Variants in PTPRG observed in about 807,000 individuals in gnomAD.
The protein encoded by PTPRG is protein tyrosine phosphatase receptor type G, also known as receptor-type tyrosine-protein phosphatase gamma.
In PTPRG, 102 loss-of-function variants were observed where a neutral mutation model predicts 165.3. The ratio of observed to expected loss-of-function variants is 0.62; its 90% CI spans 0.53 to 0.73. The LOEUF (loss-of-function observed/expected upper bound fraction) is 0.73, where lower values mean the gene tolerates loss of function less well. PTPRG is among the 30% of genes least tolerant of loss of function. The pLI is 0.00. For synonymous variants in PTPRG, 675 were observed against 669.5 expected, an observed-to-expected ratio of 1.01 and a Z score of -0.13; for missense variants, 1,866 against 1,861.4, an observed-to-expected ratio of 1.00 and a Z score of -0.05.
At chr3:61,763,009 C>G (rs1316914026) in intron 2 of PTPRG, among the ~76,000 whole-genome samples, 1 of 152,114 alleles carries the variant, frequency 6.6e-6, no homozygotes, top group Admixed American at 6.5e-5. Flanking sequence ...TTTCTTATGT[C>G]TCTGTTGAAG....
chr3:62,286,465 A>G (rs182960423), intron 28 of PTPRG, among the ~76,000 whole-genome samples: 7 of 152,254 alleles, frequency 4.6e-5, no homozygotes, highest in Non-Finnish European at 1.0e-4. Context: ...TAATAAGTAA[A>G]TATATGAAAT....
chr3:61,823,132 C>T (rs1169150599), intron 2 of PTPRG, among the ~76,000 whole-genome samples: 1 of 152,140 alleles, frequency 6.6e-6, no homozygotes, highest in Non-Finnish European at 1.5e-5. Flanking sequence ...TTTGCAAGTT[C>T]GGTTACTTTG....
chr3:62,091,356 C>G (rs1050156856), intron 5 of PTPRG, among the ~76,000 whole-genome samples: 2 of 152,164 alleles, frequency 1.3e-5, no homozygotes, highest in Non-Finnish European at 2.9e-5. Context: ...GCATGTCTTT[C>G]TTACTACTTT....
At chr3:62,201,787 A>G (rs973125812) in intron 11 of PTPRG, among the ~76,000 whole-genome samples, 2 of 152,184 alleles carry the variant, frequency 1.3e-5, no homozygotes, top group African/African-American at 4.8e-5. Context: ...AAAATTCTTC[A>G]TATTTTTAGT....
chr3:62,223,490 T>C (rs141074869), intron 13 of PTPRG, among the ~76,000 whole-genome samples: 284 of 151,992 alleles, frequency 1.9e-3, no homozygotes, highest in African/African-American at 6.5e-3. Context: ...CACTGGGCAA[T>C]TGGGGGGGCG....
intron 2 of PTPRG, among the ~76,000 whole-genome samples, chr3:61,880,217 C>A (rs1252385279): frequency 2.0e-5 from 3 of 152,204 alleles, no homozygotes; most frequent in African/African-American, 7.2e-5. Context: ...AACTTAGAGT[C>A]TTGCTAGAGG....
chr3:62,265,896 T>TATATACAC lies in PTPRG; in HGVS notation c.2657-1513_2657-1512insTATACACA, dbSNP rs1553662684. On this transcript the variant is annotated intron_variant, in intron 17 of 29. Transcript: ENST00000474889. ...CACACGTATACATCTGTGCCTTATATACACACACACACACACACACACACA... is the reference window on the plus strand; with the variant it reads ...CACACGTATACATCTGTGCCTTATATATATACACACACACACACACACACACACACACA... Among the ~76,000 whole-genome samples the TATATACAC allele has an allele frequency of 7.7e-4, 101 of 130,616 alleles. 2 individuals are homozygous for TATATACAC. The highest frequency in any genetic ancestry group is 2.1e-3 in the African/African-American group (74 of 34,442). The allele number at this position is 130,616 out of a possible 152,430, so 85.7% of individuals were successfully genotyped here. A position where few individuals can be genotyped will look rare whatever the true frequency, so the allele number is the denominator to read the frequency against.
intron 29 of PTPRG, 42 bp from the exon 30 acceptor site, chr3:62,293,119 A>C (rs751554606): frequency 4.0e-6 from 6 of 1,488,192 alleles, no homozygotes; most frequent in African/African-American, 1.4e-5. Flanking sequence ...TGAAATCACT[A>C]AACTGTTCTT....
chr3:62,228,146 C>T lies in PTPRG; in HGVS notation c.2289-3079C>T, dbSNP rs1347733399. 6.6e-6 allele frequency among the ~76,000 whole-genome samples: 1 copy of T among 151,988 alleles called. No individual in the cohort carries two copies. Among genetic ancestry groups the T allele is most frequent in the Non-Finnish European group, 1.5e-5 (1 of 67,988 alleles). ...TGTGTTCTGGGAAGGACTCTGACCA[C>T]AGCCAGGGTTAGGTGAGAAGGAGAG... On this transcript the variant is annotated intron_variant, in intron 13 of 29. Transcript: ENST00000474889. This position sits in a 1 kb window ranked among gnomAD's most constrained non-coding sequence, Gnocchi z 4.1.
chr3:61,840,279 G>A (rs1215393649), intron 2 of PTPRG, among the ~76,000 whole-genome samples: 1 of 151,422 alleles, frequency 6.6e-6, no homozygotes, highest in Non-Finnish European at 1.5e-5. Context: ...AATATTTTTT[G>A]CTAGTTTTCT....
intron 6 of PTPRG, among the ~76,000 whole-genome samples, chr3:62,141,779 C>T (rs1412844876): frequency 1.3e-5 from 2 of 150,712 alleles, no homozygotes; most frequent in Admixed American, 6.6e-5. Context: ...TCTGGTGGTG[C>T]GTGCCTATAA....
chr3:61,809,840 G>A (rs1478066853), intron 2 of PTPRG, among the ~76,000 whole-genome samples: 1 of 152,170 alleles, frequency 6.6e-6, no homozygotes, highest in Non-Finnish European at 1.5e-5. Flanking sequence ...TTGAGCGGGT[G>A]CACAGCTATT....
intron 2 of PTPRG, among the ~76,000 whole-genome samples, chr3:61,878,313 T>C (rs145200502): frequency 1.2e-3 from 186 of 152,342 alleles, no homozygotes; most frequent in Non-Finnish European, 2.1e-3. Flanking sequence ...GAAGGATTTA[T>C]ATGAGCTGGT....
At chr3:61,582,260 C>G (rs554743603) in intron 1 of PTPRG, among the ~76,000 whole-genome samples, 2 of 152,152 alleles carry the variant, frequency 1.3e-5, no homozygotes, top group Non-Finnish European at 2.9e-5. Flanking sequence ...TGAGCCACTG[C>G]ACCTGGCCCT....
chr3:62,195,019 G>C lies in PTPRG; in HGVS notation c.1219-43G>C. ...GCTTTAGAATGCAAAGTGTGCCTTG[G>C]CCTTCAAAACTAACTCACTGCTTTT... is the stretch of plus-strand genomic sequence containing the variant. On this transcript the variant is annotated intron_variant, in intron 9 of 29. Transcript: ENST00000474889. The surrounding 1 kb of genome is among the most constrained non-coding windows in gnomAD (Gnocchi z 4.4). The C allele has an allele frequency of 6.3e-7, 1 of 1,582,124 alleles. No individual in the cohort carries two copies. Among genetic ancestry groups the C allele is most frequent in the Non-Finnish European group, 8.7e-7 (1 of 1,151,110 alleles).
intron 1 of PTPRG, among the ~76,000 whole-genome samples, chr3:61,565,781 T>C (rs886509286): frequency 1.3e-5 from 2 of 151,586 alleles, no homozygotes; most frequent in African/African-American, 4.9e-5. Context: ...CCATGATTAA[T>C]GTCGGGTGAA....
intron 4 of PTPRG, among the ~76,000 whole-genome samples, chr3:62,018,388 C>T (rs774051425): frequency 6.6e-6 from 1 of 152,204 alleles, no homozygotes; most frequent in Non-Finnish European, 1.5e-5. Context: ...CTCCATTGTG[C>T]TCAATCTCAC....
chr3:62,007,039 A>G lies in PTPRG; in HGVS notation c.519+3542A>G, dbSNP rs147302150. On this transcript the variant is annotated intron_variant, in intron 4 of 29. Transcript: ENST00000474889. Reference sequence around the variant, plus strand: ...AAATGTACCTTGCCTTATGTGTAACAGCATTGCTGTTCCTGGTTTCTTTAG... The same window carrying G: ...AAATGTACCTTGCCTTATGTGTAACGGCATTGCTGTTCCTGGTTTCTTTAG... Among the ~76,000 whole-genome samples the G allele has an allele frequency of 8.4e-3, 1,285 of 152,298 alleles. 27 individuals are homozygous for G. Among genetic ancestry groups the G allele is most frequent in the African/African-American group, 0.03 (1,233 of 41,554 alleles).
intron 2 of PTPRG, among the ~76,000 whole-genome samples, chr3:61,980,564 C>A (rs1180743856): frequency 6.6e-6 from 1 of 152,098 alleles, no homozygotes; most frequent in East Asian, 1.9e-4. Context: ...TGATTTTTGT[C>A]TTTATAATTT....
Sources: gnomAD v4.1 joint callset for allele counts (sites outside exome capture counted in the v4.1 genomes callset) on GRCh38, gnomAD v4.1.1 for gene constraint, Gnocchi (gnomAD v3.1) non-coding constraint, MANE v1.5 for transcripts, NCBI Gene and HGNC (gene_info 2026-07-23, HGNC 2026-07-21) for gene names.